Variants in TRPV3 observed in about 807,000 individuals in gnomAD.
The protein encoded by TRPV3 is transient receptor potential cation channel subfamily V member 3.
TRPV3 carries 88 observed loss-of-function variants against 87.1 expected under a neutral mutation model. The ratio of observed to expected loss-of-function variants is 1.01; its 90% CI spans 0.85 to 1.21. The LOEUF (loss-of-function observed/expected upper bound fraction) is 1.21. TRPV3 is among the 50% of genes most tolerant of loss of function. The probability of loss-of-function intolerance (pLI) is 0.00; values close to 1 mark genes in which losing one functional copy is unlikely to be tolerated. For missense variants in TRPV3, 1,054 were observed against 1,030.1 expected (o/e 1.02, Z -0.32); for synonymous variants, 438 against 423.3 (o/e 1.03, Z -0.43).
At position 3,538,580 on chromosome 17, in the gene TRPV3, T is replaced by C. The variant is rs948217801; in HGVS notation, c.644-2867A>G. On this transcript the variant is annotated intron_variant, in intron 6 of 17. Transcript: ENST00000576742. ...AACTATTATAACTTTATTTTATTTA[T>C]TTAAAAAAAAATTTTTTTTTTTGAG... Among the ~76,000 whole-genome samples the C allele has an allele frequency of 3.5e-5, 5 of 142,276 alleles. No individual in the cohort carries two copies. In the Admixed American group the frequency reaches 3.6e-4, roughly 10 times the overall value. 93.3% of individuals were successfully genotyped at this position (142,276 alleles called of 152,430 possible). A position where few individuals can be genotyped will look rare whatever the true frequency, so the allele number is the denominator to read the frequency against.
Position 3,528,901 on chromosome 17 carries a change from C to T in TRPV3, c.1337G>A (p.Cys446Tyr), listed in dbSNP as rs1555544597. The change falls in exon 10 of 18, where the codon TGC becomes TAC. Residue 446 changes from cysteine (C) to tyrosine (Y), a missense_variant. Cys to Tyr is a radical substitution (Grantham distance 194). Coordinates refer to ENST00000576742, the MANE Select transcript of TRPV3 (RefSeq NM_145068.4). The surrounding 1 kb of genome is among the most constrained non-coding windows in gnomAD (Gnocchi z 4.2). ...GGTGATGTTGTAGAAGAAATAAAAG[C>T]AGAAGGACAGAAAGAACATGTGCTT... ...FAKHMFFLSF[C>Y]FYFFYNITLT... 2 of 1,614,206 alleles carry T rather than the reference C, an allele frequency of 1.2e-6. No homozygotes were observed. Among genetic ancestry groups the T allele is most frequent in the Non-Finnish European group, 1.7e-6 (2 of 1,180,038 alleles).
chr17:3,531,548 C>T lies in TRPV3; in HGVS notation c.1065+1109G>A, dbSNP rs537396784. Among the ~76,000 whole-genome samples the T allele has an allele frequency of 1.7e-3, 258 of 152,298 alleles. 2 individuals are homozygous for T. The highest frequency in any genetic ancestry group is 2.7e-3 in the Non-Finnish European group (186 of 68,010). On this transcript the variant is annotated intron_variant, in intron 8 of 17. Coordinates refer to ENST00000576742, the MANE Select transcript of TRPV3 (RefSeq NM_145068.4). The stretch of plus-strand genomic sequence containing the variant: ...GGTGCCTCCCCCGGGCCGGCCACAG[C>T]GGGCACACTGTCCCCTAGAAAACAA...
intron 8 of TRPV3, among the ~76,000 whole-genome samples, chr17:3,531,897 C>G (rs746334874): frequency 6.6e-6 from 1 of 152,194 alleles, no homozygotes; most frequent in African/African-American, 2.4e-5. Context: ...ACCAGGGAGG[C>G]GGGTACCCTG....
chr17:3,543,945 C>G (rs1399336413), intron 4 of TRPV3, among the ~76,000 whole-genome samples: 1 of 152,118 alleles, frequency 6.6e-6, no homozygotes, highest in African/African-American at 2.4e-5. Flanking sequence ...AAAATCTATC[C>G]TTCCCTGTCC....
At chr17:3,545,345 C>A (rs924414873) in intron 2 of TRPV3, 74 bp from the exon 3 acceptor site, 2 of 1,170,034 alleles carry the variant, frequency 1.7e-6, no homozygotes, top group African/African-American at 1.5e-5. Context: ...GCCTCCTGGC[C>A]CCAGAGGGTG....
rs186867187 is a variant in TRPV3, at chr17:3,541,103, C to T, written c.643+1419G>A. On this transcript the variant is annotated intron_variant, in intron 6 of 17. Transcript: ENST00000576742. The stretch of plus-strand genomic sequence containing the variant: ...AATTGTGGCAGGGCGTGGTGGCTCA[C>T]GCCTGGAATCCCAGCACTTTGGGAG... Among the ~76,000 whole-genome samples the T allele has an allele frequency of 6.2e-3, 939 of 152,314 alleles. 16 individuals carry two copies. Among genetic ancestry groups the T allele is most frequent in the Admixed American group, 0.033 (504 of 15,292 alleles).
In TRPV3 at chr17:3,542,686, T is replaced by C; in HGVS notation, c.479A>G (p.His160Arg). Reference sequence around the variant, plus strand: ...CCCCGTGTCGGAGGCCGTCAGCTTGTGCATGAGGAAGTCTGCAGGCAGGGC... The same window carrying C: ...CCCCGTGTCGGAGGCCGTCAGCTTGCGCATGAGGAAGTCTGCAGGCAGGGC... ...HDEDVPDFLMHKLTASDTGKT... is the reference protein window; with the variant it reads ...HDEDVPDFLMRKLTASDTGKT... The change falls in exon 6 of 18, where the codon CAC becomes CGC. Residue 160 changes from histidine (H) to arginine (R), a missense_variant. His to Arg is a conservative substitution (Grantham distance 29, BLOSUM62 0). Coordinates refer to ENST00000576742, the MANE Select transcript of TRPV3 (RefSeq NM_145068.4). 1 of 1,613,680 alleles carries C rather than the reference T, an allele frequency of 6.2e-7. No individual in the cohort carries two copies. The highest frequency in any genetic ancestry group is 2.2e-5 in the East Asian group (1 of 44,874).
chr17:3,537,891 T>A (rs9903300), intron 6 of TRPV3, among the ~76,000 whole-genome samples: 830 of 69,772 alleles, frequency 0.012, 157 homozygotes, highest in Middle Eastern at 0.045. Flanking sequence ...CTCTGTCTTT[T>A]TAAAAAAAAA....
At position 3,545,213 on chromosome 17, in the gene TRPV3, A is replaced by G. The variant is rs2074512681; in HGVS notation, c.178T>C (p.Ser60Pro). The change falls in exon 3 of 18, where the codon TCT (serine) becomes CCT (proline). Residue 60 changes from serine (S) to proline (P), a missense_variant. Transcript: ENST00000576742. ...ATGGGCTTGGAGAAGACAGGAGGAG[A>G]GGTCTTGGCAACTGTGGGGTTGGGT... Reference protein sequence around the residue: ...FEPNPTVAKTSPPVFSKPMDS... With the variant: ...FEPNPTVAKTPPPVFSKPMDS... 6.2e-7 allele frequency: 1 copy of G among 1,613,708 alleles called. No individual in the cohort carries two copies. Among genetic ancestry groups the G allele is most frequent in the African/African-American group, 1.3e-5 (1 of 74,902 alleles).
At chr17:3,517,110 A>C (rs2074189986) in intron 15 of TRPV3, among the ~76,000 whole-genome samples, 1 of 151,928 alleles carries the variant, frequency 6.6e-6, no homozygotes, top group Non-Finnish European at 1.5e-5. Context: ...CCACCATTGC[A>C]CTCCAGCCTG....
chr17:3,540,695 A>G (rs1435605079), intron 6 of TRPV3, among the ~76,000 whole-genome samples: 3 of 152,228 alleles, frequency 2.0e-5, no homozygotes, highest in Non-Finnish European at 2.9e-5. Context: ...CAATACTGAC[A>G]AGAAGAAAGG....
chr17:3,519,235 A>C (rs1813210717), intron 14 of TRPV3, among the ~76,000 whole-genome samples: 1 of 152,142 alleles, frequency 6.6e-6, no homozygotes, highest in Non-Finnish European at 1.5e-5. Flanking sequence ...TCTCCTCCTA[A>C]TGCTCTGTTT....
chr17:3,528,073 T>C lies in TRPV3; in HGVS notation c.1455A>G (p.Leu485=). The stretch of plus-strand genomic sequence containing the variant: ...CCCAGATGAGCACAAACATCCTCCC[T>C]AGGAGCTGCAGCCACCCCATCTTGT... The part of the protein sequence containing the change: ...LTHKMGWLQL[L]GRMFVLIWAM... The change falls in exon 11 of 18, where the codon CTA becomes CTG. Residue 485 remains leucine (L), a synonymous_variant. Coordinates refer to ENST00000576742, the MANE Select transcript of TRPV3 (RefSeq NM_145068.4). This position sits in a 1 kb window ranked among gnomAD's most constrained non-coding sequence, Gnocchi z 4.2. The C allele has an allele frequency of 6.2e-7, 1 of 1,613,606 alleles. No homozygotes were observed. Among genetic ancestry groups the C allele is most frequent in the Non-Finnish European group, 8.5e-7 (1 of 1,179,892 alleles).
intron 2 of TRPV3, among the ~76,000 whole-genome samples, chr17:3,547,363 G>A (rs1478203025): frequency 6.6e-6 from 1 of 152,222 alleles, no homozygotes; most frequent in Non-Finnish European, 1.5e-5. Context: ...GCCCAAGTCT[G>A]TAATCCCAGC....
In TRPV3 at chr17:3,530,704, G is replaced by C. The variant is rs760486071; in HGVS notation, c.1066-501C>G. Among the ~76,000 whole-genome samples, 1 of 152,122 alleles carries C rather than the reference G, an allele frequency of 6.6e-6. No homozygotes were observed. On this transcript the variant is annotated intron_variant, in intron 8 of 17. Transcript: ENST00000576742. The surrounding 1 kb of genome is among the most constrained non-coding windows in gnomAD (Gnocchi z 4.0). ...CCTACAGGGAGGCCCGTGGGACTTC[G>C]GTAGGCCAGTGATCCTCAAACTCTG...
intron 7 of TRPV3, among the ~76,000 whole-genome samples, chr17:3,533,183 G>C (rs930738112): frequency 1.3e-5 from 2 of 152,118 alleles, no homozygotes; most frequent in Non-Finnish European, 2.9e-5. Flanking sequence ...AGACCAACCT[G>C]TTAGTGCCTC....
rs913097253 is a variant in TRPV3, at chr17:3,530,794, G to A, written c.1066-591C>T. ...AGCATGGCCAGGTGCAGTAGCTCACGCCTGTAATCCCAGCACTTTGGGAGG... is the reference window on the plus strand; with the variant it reads ...AGCATGGCCAGGTGCAGTAGCTCACACCTGTAATCCCAGCACTTTGGGAGG... On this transcript the variant is annotated intron_variant, in intron 8 of 17. Coordinates refer to ENST00000576742, the MANE Select transcript of TRPV3 (RefSeq NM_145068.4). The surrounding 1 kb of genome is among the most constrained non-coding windows in gnomAD (Gnocchi z 4.0). Among the ~76,000 whole-genome samples, 2 of 152,038 alleles carry A rather than the reference G, an allele frequency of 1.3e-5. No individual in the cohort carries two copies. Among genetic ancestry groups the A allele is most frequent in the East Asian group, 1.9e-4 (1 of 5,170 alleles).
intron 6 of TRPV3, among the ~76,000 whole-genome samples, chr17:3,536,226 C>T (rs985549306): frequency 5.9e-5 from 9 of 152,084 alleles, no homozygotes; most frequent in African/African-American, 2.2e-4. Context: ...ACTGGCAGGA[C>T]GAGAATGTAG....
chr17:3,516,619 A>C (rs1367020385), intron 15 of TRPV3, 50 bp from the exon 16 acceptor site: 5 of 1,284,752 alleles, frequency 3.9e-6, no homozygotes, highest in Non-Finnish European at 5.7e-6. Flanking sequence ...TCACAAGCAC[A>C]CACAAGGGCA....
Sources: gnomAD v4.1 joint callset for allele counts (sites outside exome capture counted in the v4.1 genomes callset) on GRCh38, gnomAD v4.1.1 for gene constraint, Gnocchi (gnomAD v3.1) non-coding constraint, MANE v1.5 for transcripts, NCBI Gene and HGNC (gene_info 2026-07-23, HGNC 2026-07-21) for gene names.